PRIMA1: variants seen among roughly 807,000 people sequenced by gnomAD.
The protein encoded by PRIMA1 is proline-rich membrane anchor 1.
In PRIMA1, 7 loss-of-function variants were observed where a neutral mutation model predicts 17.5. That is an observed-to-expected ratio of 0.40 (90% CI 0.23 to 0.75). The LOEUF is 0.75. Ranked by LOEUF, PRIMA1 falls within the 30% of genes least tolerant of loss-of-function variation. PRIMA1 has a pLI of 0.37. For synonymous variants in PRIMA1, 97 were observed against 77.9 expected (o/e 1.25, Z -1.29); for missense variants, 200 against 201.8 (o/e 0.99, Z 0.05).
At chr14:93,738,082 G>A (rs1345515864) in intron 3 of PRIMA1, among the ~76,000 whole-genome samples, 2 of 152,174 alleles carry the variant, frequency 1.3e-5, no homozygotes, top group African/African-American at 4.8e-5. Context: ...CCCGTGGGGT[G>A]GGTATTTGCC....
rs8008566 is a variant in PRIMA1 at position 93,720,046 on chromosome 14, G to A, written c.*1398C>T. On this transcript the variant is annotated 3_prime_UTR_variant, in exon 5 of 5. Coordinates refer to ENST00000393140, the MANE Select transcript of PRIMA1 (RefSeq NM_178013.4). ...CCTGTAGCTTAAACACCTATCAGAG[G>A]AGCACACTGGAGGTTTAGGAGGCAA... is the stretch of plus-strand genomic sequence containing the variant. 0.64 allele frequency: 97,621 copies of A among 151,622 alleles called. 31,717 individuals are homozygous for A. Among genetic ancestry groups the A allele is most frequent in the Middle Eastern group, 0.71 (209 of 294 alleles). 9.4% of individuals were successfully genotyped at this position (151,622 alleles called of 1,614,324 possible).
chr14:93,719,005 G>A lies in PRIMA1; in HGVS notation c.*2439C>T, dbSNP rs947273759. 19 of 152,186 alleles carry A rather than the reference G, an allele frequency of 1.2e-4. No individual in the cohort carries two copies. The highest frequency in any genetic ancestry group is 1.2e-3 in the Admixed American group (19 of 15,282). 9.4% of individuals were successfully genotyped at this position (152,186 alleles called of 1,614,324 possible). On this transcript the variant is annotated 3_prime_UTR_variant, in exon 5 of 5. Transcript: ENST00000393140. ...TATGTCTCTGTAAGCTCAAAATCTA[G>A]TGGGTCTCCCTTGCTGTGCCGTATA...
intron 4 of PRIMA1, among the ~76,000 whole-genome samples, chr14:93,725,265 C>T (rs1001434040): frequency 4.7e-5 from 7 of 150,536 alleles, no homozygotes; most frequent in Non-Finnish European, 6.0e-5. Flanking sequence ...CGGGAGCCCG[C>T]GCGTGGTGAT....
rs1167392656 is a variant in PRIMA1 at position 93,721,421 on chromosome 14, C to T, written c.*23G>A. 6.5e-7 allele frequency: 1 copy of T among 1,528,520 alleles called. No individual in the cohort carries two copies. The highest frequency in any genetic ancestry group is 9.1e-7 in the Non-Finnish European group (1 of 1,103,410). The allele number at this position is 1,528,520 out of a possible 1,614,324, so 94.7% of individuals were successfully genotyped here. The stretch of plus-strand genomic sequence containing the variant: ...AGTGCCACCAAGGTGTCCCTCTGGC[C>T]AGCGGGTCCAGGGCCTGCAGACTCA... On this transcript the variant is annotated 3_prime_UTR_variant, in exon 5 of 5. Coordinates refer to ENST00000393140, the MANE Select transcript of PRIMA1 (RefSeq NM_178013.4).
At chr14:93,781,717 G>A (rs1009004267) in intron 2 of PRIMA1, among the ~76,000 whole-genome samples, 6 of 152,220 alleles carry the variant, frequency 3.9e-5, no homozygotes, top group Admixed American at 2.6e-4. Flanking sequence ...GTTCTCGCCT[G>A]TAATCCCAGC....
intron 3 of PRIMA1, among the ~76,000 whole-genome samples, chr14:93,769,733 C>T (rs1885003893): frequency 6.6e-6 from 1 of 152,202 alleles, no homozygotes; most frequent in Non-Finnish European, 1.5e-5. Context: ...GTCGGAAACT[C>T]ATCACAACTT....
rs2141151490 is a variant in PRIMA1 at position 93,726,266 on chromosome 14, C to A, written c.360-4720G>T. Among the ~76,000 whole-genome samples, 1 of 152,300 alleles carries A rather than the reference C, an allele frequency of 6.6e-6. No individual in the cohort carries two copies. Among genetic ancestry groups the A allele is most frequent in the Middle Eastern group, 3.4e-3 (1 of 294 alleles). On this transcript the variant is annotated intron_variant, in intron 4 of 4. Coordinates refer to ENST00000393140, the MANE Select transcript of PRIMA1 (RefSeq NM_178013.4). This position sits in a 1 kb window ranked among gnomAD's most constrained non-coding sequence, Gnocchi z 4.2. ...GCAAGGAGGGCCAGGACCCAGGTACCCCTCTTAGGCCCTGCTGATCATGAT... is the reference window on the plus strand; with the variant it reads ...GCAAGGAGGGCCAGGACCCAGGTACACCTCTTAGGCCCTGCTGATCATGAT...
At chr14:93,754,850 C>G (rs143472933) in intron 3 of PRIMA1, among the ~76,000 whole-genome samples, 176 of 152,234 alleles carry the variant, frequency 1.2e-3, no homozygotes, top group Non-Finnish European at 2.3e-3. Context: ...AATGGGGTCT[C>G]AGAGGTGAGG....
At chr14:93,773,264 T>C (rs189274771) in intron 3 of PRIMA1, among the ~76,000 whole-genome samples, 17 of 152,320 alleles carry the variant, frequency 1.1e-4, no homozygotes, top group African/African-American at 4.1e-4. Flanking sequence ...ATGAGAAAAC[T>C]GAGGCTCTGA....
At chr14:93,730,173 G>C (rs1566963791) in intron 4 of PRIMA1, among the ~76,000 whole-genome samples, 1 of 152,228 alleles carries the variant, frequency 6.6e-6, no homozygotes, top group African/African-American at 2.4e-5. Context: ...ATCGTGCCAG[G>C]CACCGTCGGG....
chr14:93,730,787 A>G (rs1031078109), intron 4 of PRIMA1, among the ~76,000 whole-genome samples: 1 of 152,216 alleles, frequency 6.6e-6, no homozygotes. Context: ...TTAACTTTCT[A>G]TTGAGTCTAT....
intron 4 of PRIMA1, chr14:93,725,809 G>T: frequency 2.7e-6 from 1 of 372,386 alleles, no homozygotes; most frequent in Non-Finnish European, 5.4e-6. Context: ...AGCAGCCAAG[G>T]TTCTCCAGTC....
intron 3 of PRIMA1, among the ~76,000 whole-genome samples, chr14:93,767,808 C>T (rs925845633): frequency 4.6e-5 from 7 of 152,214 alleles, no homozygotes; most frequent in South Asian, 2.1e-4. Flanking sequence ...ATCATCCCCA[C>T]TAGCAGATCA....
intron 4 of PRIMA1, among the ~76,000 whole-genome samples, chr14:93,734,094 G>A (rs1478342925): frequency 2.0e-5 from 3 of 152,190 alleles, no homozygotes; most frequent in Admixed American, 6.5e-5. Context: ...TGCTGCACCA[G>A]GGATACTCTC....
chr14:93,766,571 T>C, intron 3 of PRIMA1, among the ~76,000 whole-genome samples: 1 of 152,210 alleles, frequency 6.6e-6, no homozygotes, highest in Non-Finnish European at 1.5e-5. Flanking sequence ...GGGACAGAGC[T>C]GGATGCAGCA....
intron 3 of PRIMA1, among the ~76,000 whole-genome samples, chr14:93,750,159 G>A (rs977305432): frequency 6.6e-6 from 1 of 152,152 alleles, no homozygotes; most frequent in Non-Finnish European, 1.5e-5. Context: ...CTGCACCGTA[G>A]CCTGGGAGAT....
At chr14:93,744,730 C>T (rs2076205979) in intron 3 of PRIMA1, among the ~76,000 whole-genome samples, 1 of 152,182 alleles carries the variant, frequency 6.6e-6, no homozygotes, top group Admixed American at 6.5e-5. Flanking sequence ...CATGGAGACC[C>T]CCTGTTTCAT....
At chr14:93,780,553 A>G (rs1595226874) in intron 2 of PRIMA1, among the ~76,000 whole-genome samples, 1 of 152,188 alleles carries the variant, frequency 6.6e-6, no homozygotes, top group Non-Finnish European at 1.5e-5. Flanking sequence ...AGCCCGAGTG[A>G]GCTGGGCTCC....
intron 3 of PRIMA1, among the ~76,000 whole-genome samples, chr14:93,760,882 A>G (rs1263282890): frequency 2.9e-5 from 4 of 138,546 alleles, no homozygotes; most frequent in African/African-American, 8.9e-5. Context: ...CACTTCTACC[A>G]CCTTGACAAC....
Sources: allele counts gnomAD v4.1 joint callset (sites outside exome capture counted in the v4.1 genomes callset), GRCh38; gene constraint gnomAD v4.1.1; non-coding constraint Gnocchi (gnomAD v3.1); transcripts MANE v1.5; gene names NCBI Gene and HGNC (gene_info 2026-07-23, HGNC 2026-07-21).